Variants in DLG2 observed in about 807,000 individuals in gnomAD.
DLG2 encodes disks large homolog 2.
A neutral mutation model predicts 132.5 loss-of-function variants in DLG2; 45 were observed. The ratio of observed to expected loss-of-function variants is 0.34; its 90% CI spans 0.27 to 0.44. The LOEUF (loss-of-function observed/expected upper bound fraction) is 0.44, where lower values mean the gene tolerates loss of function less well. Ranked by LOEUF, DLG2 falls within the 20% of genes least tolerant of loss-of-function variation. The probability of loss-of-function intolerance (pLI) is 1.00; values close to 1 mark genes in which losing one functional copy is unlikely to be tolerated. For missense variants in DLG2, 1,045 were observed against 1,196.9 expected, an observed-to-expected ratio of 0.87 and a Z score of 1.87; for synonymous variants, 424 against 419.6, an observed-to-expected ratio of 1.01 and a Z score of -0.13.
At chr11:85,483,669 C>A (rs929684479) in intron 3 of DLG2, among the ~76,000 whole-genome samples, 1 of 152,028 alleles carries the variant, frequency 6.6e-6, no homozygotes, top group African/African-American at 2.4e-5. Flanking sequence ...ATAGGCCAGG[C>A]GTGGTGGCTC....
At chr11:84,117,622 T>C (rs71469624) in intron 9 of DLG2, among the ~76,000 whole-genome samples, 5,269 of 152,306 alleles carry the variant, frequency 0.035, 138 homozygotes, top group Non-Finnish European at 0.055. Flanking sequence ...AGATAACCAG[T>C]TGGGTTCAGT....
chr11:84,859,387 T>C (rs567057519), intron 6 of DLG2, among the ~76,000 whole-genome samples: 3 of 146,194 alleles, frequency 2.1e-5, no homozygotes, highest in African/African-American at 7.5e-5. Context: ...TATATATGCA[T>C]ACATATATAT....
intron 3 of DLG2, among the ~76,000 whole-genome samples, chr11:85,573,770 C>G (rs1013321781): frequency 2.0e-5 from 3 of 152,210 alleles, no homozygotes; most frequent in Non-Finnish European, 4.4e-5. Flanking sequence ...TCATCTATTT[C>G]TAGCCCTAAT....
intron 18 of DLG2, among the ~76,000 whole-genome samples, chr11:83,782,190 A>G (rs1034902791): frequency 2.0e-5 from 3 of 152,212 alleles, no homozygotes; most frequent in African/African-American, 7.2e-5. Context: ...CCATCTCTGA[A>G]TCTAATATAA....
intron 6 of DLG2, among the ~76,000 whole-genome samples, chr11:84,780,516 A>T (rs2071550358): frequency 4.6e-5 from 7 of 152,084 alleles, no homozygotes; most frequent in Admixed American, 4.6e-4. Context: ...TTTATGTTTA[A>T]CTTTATAAGA....
chr11:85,410,489 T>C (rs1197718694), intron 3 of DLG2, among the ~76,000 whole-genome samples: 1 of 151,852 alleles, frequency 6.6e-6, no homozygotes, highest in Non-Finnish European at 1.5e-5. Context: ...ATTATTTTCT[T>C]ATAATTAAAC....
chr11:85,583,403 T>C (rs2078752119), intron 3 of DLG2, among the ~76,000 whole-genome samples: 1 of 150,554 alleles, frequency 6.6e-6, no homozygotes, highest in African/African-American at 2.4e-5. Flanking sequence ...CCCAGGTTGG[T>C]CTTAAACTCC....
intron 19 of DLG2, among the ~76,000 whole-genome samples, chr11:83,630,850 T>C (rs1220210112): frequency 6.6e-6 from 1 of 152,190 alleles, no homozygotes; most frequent in East Asian, 1.9e-4. Flanking sequence ...CTAAGGTTCC[T>C]TCTAGCCCTA....
intron 4 of DLG2, among the ~76,000 whole-genome samples, chr11:85,246,181 A>T (rs959124138): frequency 2.0e-5 from 3 of 152,000 alleles, no homozygotes; most frequent in Non-Finnish European, 4.4e-5. Context: ...TGTATTTCAA[A>T]TGCCTATAAA....
At chr11:85,124,936 T>C (rs2074896806) in intron 5 of DLG2, among the ~76,000 whole-genome samples, 1 of 152,002 alleles carries the variant, frequency 6.6e-6, no homozygotes, top group African/African-American at 2.4e-5. Flanking sequence ...GTTCACGCCA[T>C]TCTCCTGCCT....
At chr11:85,088,506 G>C (rs1015943961) in intron 6 of DLG2, among the ~76,000 whole-genome samples, 5 of 152,130 alleles carry the variant, frequency 3.3e-5, no homozygotes, top group African/African-American at 9.7e-5. Context: ...TGTGATTCAT[G>C]TTACAATAAT....
At chr11:84,602,509 T>C (rs976109808) in intron 6 of DLG2, among the ~76,000 whole-genome samples, 2 of 152,032 alleles carry the variant, frequency 1.3e-5, no homozygotes, top group South Asian at 4.1e-4. Flanking sequence ...CATTAAGCTT[T>C]CCTTTCAATT....
intron 18 of DLG2, among the ~76,000 whole-genome samples, chr11:83,726,895 C>G (rs2090115336): frequency 6.6e-6 from 1 of 152,216 alleles, no homozygotes; most frequent in African/African-American, 2.4e-5. Flanking sequence ...CAGATGAACA[C>G]TCTCTTCCTG....
At chr11:84,852,218 A>G (rs1023688442) in intron 6 of DLG2, among the ~76,000 whole-genome samples, 10 of 152,054 alleles carry the variant, frequency 6.6e-5, no homozygotes, top group Admixed American at 3.9e-4. Context: ...ACATAGGGTC[A>G]TTGTGTTAAT....
intron 6 of DLG2, among the ~76,000 whole-genome samples, chr11:85,049,158 G>A (rs574651269): frequency 6.6e-6 from 1 of 152,084 alleles, no homozygotes; most frequent in South Asian, 2.1e-4. Context: ...GTATGTCAAA[G>A]TTCATAGACT....
At chr11:84,209,659 G>A (rs1005805032) in intron 8 of DLG2, among the ~76,000 whole-genome samples, 2 of 151,710 alleles carry the variant, frequency 1.3e-5, no homozygotes, top group Non-Finnish European at 2.9e-5. Flanking sequence ...CAAACACTTG[G>A]ACCAACACTT....
At chr11:85,207,432 T>A (rs2081968301) in intron 4 of DLG2, among the ~76,000 whole-genome samples, 1 of 152,166 alleles carries the variant, frequency 6.6e-6, no homozygotes, top group Admixed American at 6.6e-5. Flanking sequence ...CAAGCTGTAA[T>A]GCAAAAACTA....
intron 9 of DLG2, among the ~76,000 whole-genome samples, chr11:84,139,750 A>G (rs900386493): frequency 1.3e-5 from 2 of 152,094 alleles, no homozygotes; most frequent in Admixed American, 1.3e-4. Flanking sequence ...CACTCGAAAC[A>G]CTTTGCTGTA....
intron 18 of DLG2, among the ~76,000 whole-genome samples, chr11:83,771,568 G>A (rs2094394211): frequency 6.6e-6 from 1 of 152,100 alleles, no homozygotes; most frequent in African/African-American, 2.4e-5. Flanking sequence ...GCATGTTACT[G>A]TTACTGTACT....
Sources: gnomAD v4.1 joint callset for allele counts (sites outside exome capture counted in the v4.1 genomes callset) on GRCh38, gnomAD v4.1.1 for gene constraint, MANE v1.5 for transcripts, NCBI Gene and HGNC (gene_info 2026-07-23, HGNC 2026-07-21) for gene names.